PTGER3: variants seen among roughly 807,000 people sequenced by gnomAD.
PTGER3 encodes the protein prostaglandin E receptor 3.
A neutral mutation model predicts 34.7 loss-of-function variants in PTGER3; 22 were observed. The ratio of observed to expected loss-of-function variants is 0.63; its 90% confidence interval spans 0.45 to 0.91. The LOEUF (loss-of-function observed/expected upper bound fraction) is 0.91. Among genes scored for constraint, PTGER3 ranks in the 40% least tolerant of loss-of-function variants. The pLI is 0.00. For synonymous variants in PTGER3, 241 were observed against 230.1 expected (o/e 1.05, Z -0.43); for missense variants, 468 against 519.4 (o/e 0.90, Z 0.96).
chr1:71,019,953 G>A (rs181788676), intron 1 of PTGER3, among the ~76,000 whole-genome samples: 262 of 152,196 alleles, frequency 1.7e-3, no homozygotes, highest in African/African-American at 3.0e-3. Flanking sequence ...TTTGTTTTCC[G>A]TAATTCTCTG....
downstream of PTGER3, among the ~76,000 whole-genome samples, chr1:70,950,472 CAG>C (rs966713642): frequency 6.6e-6 from 1 of 152,134 alleles, no homozygotes; most frequent in Non-Finnish European, 1.5e-5. Context: ...AAGTAAATGA[CAG>C]GGTGGGTTTG....
rs982669737 is a variant in PTGER3, at chr1:71,040,537, A to C, written c.897+6144T>G. Among the ~76,000 whole-genome samples the C allele has an allele frequency of 2.0e-5, 3 of 152,088 alleles. No individual in the cohort carries two copies. The East Asian group carries it at 5.8e-4, about 29-fold the overall frequency. ...GGCACGAGAATCACTTGAACCCAGG[A>C]GGCAGAAGTTGCAGTGAGCCCGAGA... On this transcript the variant is annotated intron_variant, in intron 1 of 3. Coordinates refer to ENST00000306666, the MANE Select transcript of PTGER3 (RefSeq NM_198719.2).
intron 4 of PTGER3, among the ~76,000 whole-genome samples, chr1:70,853,840 T>C (rs1247448015): frequency 6.6e-6 from 1 of 152,156 alleles, no homozygotes; most frequent in East Asian, 1.9e-4. Flanking sequence ...CAATCAATCT[T>C]TGACAAGAGT....
intron 4 of PTGER3, among the ~76,000 whole-genome samples, chr1:70,888,946 A>G (rs950095836): frequency 2.0e-5 from 3 of 152,048 alleles, no homozygotes; most frequent in Non-Finnish European, 4.4e-5. Flanking sequence ...GGTGGGCCAT[A>G]GTGCACAGCA....
downstream of PTGER3, among the ~76,000 whole-genome samples, chr1:70,952,155 T>C (rs1009634882): frequency 1.3e-5 from 2 of 151,738 alleles, no homozygotes; most frequent in African/African-American, 4.8e-5. Flanking sequence ...GAATTAGGAG[T>C]TTTAGAGATG....
At chr1:70,998,231 G>C (rs2100801438) in intron 2 of PTGER3, 1 of 152,338 alleles carries the variant, frequency 6.6e-6, no homozygotes, top group South Asian at 2.1e-4. Context: ...CCATAACAAT[G>C]ATTAAGTTTG....
At chr1:70,977,729 T>A (rs1653848082) in intron 2 of PTGER3, among the ~76,000 whole-genome samples, 1 of 152,052 alleles carries the variant, frequency 6.6e-6, no homozygotes, top group South Asian at 2.1e-4. Context: ...CTCCTTTCCA[T>A]CCACTTTCAG....
chr1:70,933,902 T>C (rs1369133950), intron 4 of PTGER3, among the ~76,000 whole-genome samples: 1 of 152,098 alleles, frequency 6.6e-6, no homozygotes, highest in Non-Finnish European at 1.5e-5. Flanking sequence ...CTGCCAGGCA[T>C]TGGAAATAGG....
intron 1 of PTGER3, among the ~76,000 whole-genome samples, chr1:71,019,832 T>C (rs767492325): frequency 6.6e-6 from 1 of 152,156 alleles, no homozygotes; most frequent in African/African-American, 2.4e-5. Flanking sequence ...AGGAAATAAA[T>C]TGGTTAGCTG....
Position 71,001,439 on chromosome 1 carries a change from T to C in PTGER3, c.1077+10866A>G, listed in dbSNP as rs146532075. Among the ~76,000 whole-genome samples, 328 of 152,326 alleles carry C rather than the reference T, an allele frequency of 2.2e-3. 1 individual carries two copies. Among genetic ancestry groups the C allele is most frequent in the African/African-American group, 7.5e-3 (312 of 41,582 alleles). On this transcript the variant is annotated intron_variant, in intron 2 of 3. Coordinates refer to ENST00000306666, the MANE Select transcript of PTGER3 (RefSeq NM_198719.2). ...TAACAAATGGAAGACATGGTACCTG[T>C]ATTCAAGGATTTTGCAATTTGGTTG...
At chr1:70,934,931 C>A (rs909076149) in intron 4 of PTGER3, among the ~76,000 whole-genome samples, 5 of 152,256 alleles carry the variant, frequency 3.3e-5, no homozygotes, top group Admixed American at 2.6e-4. Context: ...CCTTGTTTAA[C>A]CTAGCAGTTC....
chr1:70,922,510 G>T (rs1478808176), intron 4 of PTGER3, among the ~76,000 whole-genome samples: 1 of 152,142 alleles, frequency 6.6e-6, no homozygotes, highest in Non-Finnish European at 1.5e-5. Context: ...GACATGTGGA[G>T]TTAGCCATGC....
chr1:70,985,635 C>T (rs1390777998), intron 2 of PTGER3, among the ~76,000 whole-genome samples: 1 of 152,130 alleles, frequency 6.6e-6, no homozygotes. Context: ...AGCAGCTGAC[C>T]AGTCGTTACC....
chr1:71,038,380 A>G (rs1056398538), intron 1 of PTGER3, among the ~76,000 whole-genome samples: 7 of 152,204 alleles, frequency 4.6e-5, no homozygotes, highest in Non-Finnish European at 7.4e-5. Context: ...TGTATTACCA[A>G]GAGTTTTTAA....
intron 4 of PTGER3, among the ~76,000 whole-genome samples, chr1:70,928,082 A>G (rs1016339906): frequency 2.7e-5 from 4 of 150,136 alleles, no homozygotes; most frequent in Admixed American, 1.3e-4. Flanking sequence ...AAAATAAATT[A>G]TGAAACATTT....
Position 70,918,572 on chromosome 1 carries a change from T to A in PTGER3, c.*23+35191A>T, listed in dbSNP as rs115356225. Among the ~76,000 whole-genome samples, 1,166 of 152,058 alleles carry A rather than the reference T, an allele frequency of 7.7e-3. 15 individuals are homozygous for A. The highest frequency in any genetic ancestry group is 0.026 in the African/African-American group (1,097 of 41,518). On this transcript the variant is annotated intron_variant, in intron 4 of 4. Transcript: ENST00000370931. ...AGGCAATGATCATTCCGGACTTGAG[T>A]CACAGAAAATAGGGTTCAGAATTCT...
intron 4 of PTGER3, among the ~76,000 whole-genome samples, chr1:70,906,183 T>G (rs1646944599): frequency 6.6e-6 from 1 of 152,198 alleles, no homozygotes; most frequent in African/African-American, 2.4e-5. Flanking sequence ...GCCTCTTTCT[T>G]TTGTAAATTT....
At chr1:70,872,022 C>T (rs374357223) in intron 4 of PTGER3, among the ~76,000 whole-genome samples, 1 of 152,148 alleles carries the variant, frequency 6.6e-6, no homozygotes, top group Non-Finnish European at 1.5e-5. Flanking sequence ...TTATAAATAG[C>T]TTTGGCCTCA....
At chr1:70,946,719 G>A (rs933512169) in intron 4 of PTGER3, among the ~76,000 whole-genome samples, 8 of 152,022 alleles carry the variant, frequency 5.3e-5, no homozygotes, top group Admixed American at 1.3e-4. Context: ...TTTGCCTACC[G>A]GAACTTCTGC....
Sources: gnomAD v4.1 joint callset for allele counts (sites outside exome capture counted in the v4.1 genomes callset) on GRCh38, gnomAD v4.1.1 for gene constraint, MANE v1.5 for transcripts, NCBI Gene and HGNC (gene_info 2026-07-23, HGNC 2026-07-21) for gene names.